EGFR: variants seen among roughly 807,000 people sequenced by gnomAD.
EGFR encodes the protein avian erythroblastic leukemia viral (v-erb-b) oncogene homolog.
Under a neutral mutation model 143.0 loss-of-function variants are expected in EGFR, and 58 were observed. That is an observed-to-expected ratio of 0.41 (90% CI 0.33 to 0.50). EGFR has a LOEUF of 0.50. Among genes scored for constraint, EGFR ranks in the 20% least tolerant of loss-of-function variants. The pLI, the probability that EGFR is intolerant of heterozygous loss-of-function variation, is 0.39. For synonymous variants in EGFR, 613 were observed against 594.4 expected, an observed-to-expected ratio of 1.03 and a Z score of -0.45; for missense variants, 1,307 against 1,579.0, an observed-to-expected ratio of 0.83 and a Z score of 2.92.
rs539952488 is a variant in EGFR, at chr7:55,122,925, A to G, written c.89-19361A>G. Among the ~76,000 whole-genome samples the G allele has an allele frequency of 2.0e-5, 3 of 152,360 alleles. No individual in the cohort carries two copies. The East Asian group carries it at 5.8e-4, about 29-fold the overall frequency. ...CTGGGGCCAGCGTGCAGTGTCTTGT[A>G]TTCAGTATATAGCTGATTAATTGAT... On this transcript the variant is annotated intron_variant, in intron 1 of 27. Coordinates refer to ENST00000275493, the MANE Select transcript of EGFR (RefSeq NM_005228.5).
chr7:55,201,071 A>T (rs111425317), intron 24 of EGFR, 117 bp from the exon 25 acceptor site: 2 of 1,281,912 alleles, frequency 1.6e-6, no homozygotes, highest in Admixed American at 1.7e-5. Flanking sequence ...GGATTTCATT[A>T]TAACAAAATT....
chr7:55,051,464 G>A (rs1005912949), intron 1 of EGFR, among the ~76,000 whole-genome samples: 15 of 151,490 alleles, frequency 9.9e-5, no homozygotes, highest in Non-Finnish European at 1.8e-4. Context: ...CCTCTTGCTT[G>A]CTGGCTACCA....
intron 9 of EGFR, 25 bp from the exon 10 acceptor site, chr7:55,156,734 A>T (rs576061722): frequency 6.2e-7 from 1 of 1,613,914 alleles, no homozygotes; most frequent in Non-Finnish European, 8.5e-7. Flanking sequence ...TTGGTGATCA[A>T]TAATCACCCT....
intron 17 of EGFR, among the ~76,000 whole-genome samples, chr7:55,173,325 C>T (rs1290011212): frequency 1.3e-5 from 2 of 152,264 alleles, no homozygotes; most frequent in African/African-American, 2.4e-5. Flanking sequence ...TGTTTCTAGG[C>T]TGCACCCTTC....
chr7:55,148,492 A>C (rs1219833825), intron 4 of EGFR, among the ~76,000 whole-genome samples: 1 of 152,228 alleles, frequency 6.6e-6, no homozygotes, highest in East Asian at 1.9e-4. Context: ...TTGCTTTAAG[A>C]ATAAACAAAA....
intron 1 of EGFR, among the ~76,000 whole-genome samples, chr7:55,033,562 G>A (rs1156811211): frequency 6.6e-6 from 1 of 152,116 alleles, no homozygotes; most frequent in Non-Finnish European, 1.5e-5. Flanking sequence ...TGGTGTAGAG[G>A]CTGGAGCGTG....
At chr7:55,025,393 T>C (rs78910000) in intron 1 of EGFR, among the ~76,000 whole-genome samples, 1,683 of 152,098 alleles carry the variant, frequency 0.011, 16 homozygotes, top group Non-Finnish European at 0.018. Context: ...GAATCCCAGA[T>C]TGACACCCAG....
chr7:55,189,033 C>T (rs1326209125), intron 20 of EGFR: 4 of 152,010 alleles, frequency 2.6e-5, no homozygotes, highest in Admixed American at 6.6e-5. Context: ...GACAGAGTGA[C>T]GCGGACTTCC....
intron 1 of EGFR, among the ~76,000 whole-genome samples, chr7:55,069,733 G>A (rs1033130710): frequency 6.6e-6 from 1 of 152,194 alleles, no homozygotes; most frequent in Non-Finnish European, 1.5e-5. Context: ...CCACAGCAGG[G>A]CTGGTAGATG....
At chr7:55,184,294 C>T (rs1053246840) in intron 20 of EGFR, among the ~76,000 whole-genome samples, 3 of 152,212 alleles carry the variant, frequency 2.0e-5, no homozygotes, top group Non-Finnish European at 4.4e-5. Context: ...CTAAAATATA[C>T]CCAGAAACAT....
chr7:55,086,229 C>T (rs1160104448), intron 1 of EGFR, among the ~76,000 whole-genome samples: 1 of 152,194 alleles, frequency 6.6e-6, no homozygotes, highest in Non-Finnish European at 1.5e-5. Context: ...CCAGGACAGC[C>T]AGGGGCTTGC....
chr7:55,038,728 CTGTG>C (rs3063035), intron 1 of EGFR, among the ~76,000 whole-genome samples: 4 of 139,940 alleles, frequency 2.9e-5, no homozygotes, highest in South Asian at 2.3e-4. Context: ...ATCAGTCCTC[CTGTG>C]TGTGTGTGTG....
chr7:55,168,483 T>C (rs1471434863), intron 15 of EGFR: 2 of 1,124,654 alleles, frequency 1.8e-6, no homozygotes, highest in South Asian at 2.5e-5. Context: ...ATTAAAAATG[T>C]TAGTGGTCAT....
At chr7:55,198,626 G>T (rs1419658104) in intron 22 of EGFR, 91 bp from the exon 23 acceptor site, 6 of 1,589,864 alleles carry the variant, frequency 3.8e-6, no homozygotes, top group Non-Finnish European at 5.2e-6. Context: ...TAAACATCAA[G>T]AAACAGTAAC....
At chr7:55,061,643 T>A (rs1204684843) in intron 1 of EGFR, among the ~76,000 whole-genome samples, 2 of 135,580 alleles carry the variant, frequency 1.5e-5, no homozygotes, top group African/African-American at 5.5e-5. Flanking sequence ...TGTGTGTGTG[T>A]GTGTGTGAGA....
chr7:55,124,038 G>A (rs1290120536), intron 1 of EGFR, among the ~76,000 whole-genome samples: 1 of 152,202 alleles, frequency 6.6e-6, no homozygotes, highest in Non-Finnish European at 1.5e-5. Context: ...GTATGTGTGT[G>A]TATTAATGTA....
At chr7:55,124,366 T>C (rs748878800) in intron 1 of EGFR, among the ~76,000 whole-genome samples, 2 of 152,208 alleles carry the variant, frequency 1.3e-5, no homozygotes, top group Non-Finnish European at 2.9e-5. Flanking sequence ...TGAATAAGCC[T>C]GGGCCAAGGC....
At chr7:55,057,135 G>A (rs899965110) in intron 1 of EGFR, among the ~76,000 whole-genome samples, 2 of 152,190 alleles carry the variant, frequency 1.3e-5, no homozygotes, top group East Asian at 1.9e-4. Flanking sequence ...TCCAGAGTAC[G>A]GAACTCAGAC....
At chr7:55,097,894 C>A (rs1302001378) in intron 1 of EGFR, among the ~76,000 whole-genome samples, 3 of 151,784 alleles carry the variant, frequency 2.0e-5, no homozygotes, top group Admixed American at 6.6e-5. Flanking sequence ...CCATGCTCTT[C>A]TGTACTCTTG....
Sources: allele counts gnomAD v4.1 joint callset (sites outside exome capture counted in the v4.1 genomes callset), GRCh38; gene constraint gnomAD v4.1.1; transcripts MANE v1.5; gene names NCBI Gene and HGNC (gene_info 2026-07-23, HGNC 2026-07-21).